GPHN: variants seen among roughly 807,000 people sequenced by gnomAD.
GPHN encodes the protein gephyrin.
GPHN carries 17 observed loss-of-function variants against 95.5 expected under a neutral mutation model. That is an observed-to-expected ratio of 0.18 (90% confidence interval 0.12 to 0.27). The LOEUF (loss-of-function observed/expected upper bound fraction) is 0.27, where lower values mean the gene tolerates loss of function less well. Ranked by LOEUF, GPHN falls within the 10% of genes least tolerant of loss-of-function variation. GPHN has a pLI of 1.00. For synonymous variants in GPHN, 320 were observed against 322.5 expected, an observed-to-expected ratio of 0.99 and a Z score of 0.08; for missense variants, 660 against 978.1, an observed-to-expected ratio of 0.67 and a Z score of 4.34.
chr14:67,595,395 G>T, the GPHN span, among the ~76,000 whole-genome samples: 2 of 152,194 alleles, frequency 1.3e-5, no homozygotes, highest in Non-Finnish European at 2.9e-5. Context: ...ACCATCGTAA[G>T]TTGGGAACCA....
intron 3 of GPHN, among the ~76,000 whole-genome samples, chr14:66,786,990 T>G (rs1247238147): frequency 6.6e-6 from 1 of 152,106 alleles, no homozygotes; most frequent in African/African-American, 2.4e-5. Context: ...CTACTTTTAT[T>G]CAACATAGTA....
At chr14:66,849,593 A>G (rs2062492375) in intron 4 of GPHN, among the ~76,000 whole-genome samples, 1 of 152,024 alleles carries the variant, frequency 6.6e-6, no homozygotes, top group African/African-American at 2.4e-5. Context: ...TAGAATATTA[A>G]TCATTTTTAA....
intron 4 of GPHN, among the ~76,000 whole-genome samples, chr14:66,833,869 ATTAGC>A (rs1198657709): frequency 1.3e-5 from 2 of 152,154 alleles, no homozygotes; most frequent in East Asian, 1.9e-4. Context: ...CTATATCTTA[ATTAGC>A]TTAGCATTTG....
At chr14:67,702,927 C>G in the GPHN span, among the ~76,000 whole-genome samples, 1 of 152,214 alleles carries the variant, frequency 6.6e-6, no homozygotes, top group Non-Finnish European at 1.5e-5. Flanking sequence ...GATTCTCCCA[C>G]CTCAGCCTCC....
chr14:66,632,471 C>T (rs961335061), intron 1 of GPHN, among the ~76,000 whole-genome samples: 11 of 150,028 alleles, frequency 7.3e-5, no homozygotes, highest in Non-Finnish European at 1.5e-4. Context: ...TCCATACTTT[C>T]CTTTCTTACA....
chr14:67,191,221 G>A, the GPHN span, among the ~76,000 whole-genome samples: 6 of 152,044 alleles, frequency 3.9e-5, no homozygotes, highest in Non-Finnish European at 8.8e-5. Context: ...GTGATGGAGC[G>A]AGACTCCGTC....
the GPHN span, among the ~76,000 whole-genome samples, chr14:67,622,693 G>A: frequency 1.3e-5 from 2 of 152,190 alleles, no homozygotes; most frequent in African/African-American, 4.8e-5. Context: ...CACTGAAGAC[G>A]ACAATCTCTG....
chr14:67,327,952 T>G, the GPHN span, among the ~76,000 whole-genome samples: 12 of 152,356 alleles, frequency 7.9e-5, no homozygotes, highest in African/African-American at 2.6e-4. Context: ...TACGTGTGCA[T>G]GTGTCTTTAT....
chr14:67,125,904 A>G (rs1372522122), intron 17 of GPHN, among the ~76,000 whole-genome samples: 6 of 152,086 alleles, frequency 3.9e-5, no homozygotes, highest in South Asian at 2.1e-4. Flanking sequence ...ATATGATTCT[A>G]TTTCTCAGCT....
At chr14:67,380,809 C>A in the GPHN span, 2 of 1,070,322 alleles carry the variant, frequency 1.9e-6, no homozygotes, top group Non-Finnish European at 2.6e-6. Flanking sequence ...TTGCATGCAT[C>A]AAAAAAGCTA....
intron 1 of GPHN, among the ~76,000 whole-genome samples, chr14:66,624,425 C>G (rs1164274970): frequency 6.6e-6 from 1 of 152,094 alleles, no homozygotes; most frequent in Non-Finnish European, 1.5e-5. Context: ...TGGGTAAAGC[C>G]CTTGGGCTGA....
the GPHN span, among the ~76,000 whole-genome samples, chr14:67,643,208 C>G: frequency 6.6e-6 from 1 of 152,132 alleles, no homozygotes; most frequent in African/African-American, 2.4e-5. Flanking sequence ...GAGCACTGTT[C>G]TGATATTTTC....
At chr14:66,669,349 A>G (rs1247459994) in intron 1 of GPHN, among the ~76,000 whole-genome samples, 2 of 145,010 alleles carry the variant, frequency 1.4e-5, no homozygotes, top group Non-Finnish European at 1.5e-5. Context: ...GGGCAACAAG[A>G]GTGAAACTCT....
At chr14:67,206,312 A>G in the GPHN span, among the ~76,000 whole-genome samples, 1 of 152,196 alleles carries the variant, frequency 6.6e-6, no homozygotes, top group African/African-American at 2.4e-5. Context: ...AGCCTGGCCA[A>G]CATGGCAAAA....
chr14:67,729,669 C>G, the GPHN span: 1 of 589,956 alleles, frequency 1.7e-6, no homozygotes, highest in Non-Finnish European at 3.1e-6. Context: ...TTGGTTATGC[C>G]ATGGAGATCT....
chr14:66,782,557 T>C (rs889546106), intron 3 of GPHN, among the ~76,000 whole-genome samples: 1 of 152,146 alleles, frequency 6.6e-6, no homozygotes, highest in Admixed American at 6.5e-5. Context: ...CGGTGGCTCA[T>C]GCTTGTAATC....
chr14:67,415,233 A>G, the GPHN span, among the ~76,000 whole-genome samples: 1 of 152,202 alleles, frequency 6.6e-6, no homozygotes, highest in South Asian at 2.1e-4. Context: ...ATACTTTTAA[A>G]TTAAATTTTA....
At chr14:67,378,027 G>A in the GPHN span, among the ~76,000 whole-genome samples, 1 of 151,868 alleles carries the variant, frequency 6.6e-6, no homozygotes, top group African/African-American at 2.4e-5. Flanking sequence ...GAGGCAGGAG[G>A]ATCACTTGAG....
rs1315655424 is a variant in GPHN, at chr14:66,701,356, CTG to C, written c.143+20173_143+20174del. ...TTTATTTATAACTAATACATAATAA[CTG>C]TACATTTGGGTGCGGCCATGATGGC... On this transcript the variant is annotated intron_variant, in intron 2 of 22. Coordinates refer to ENST00000478722, the MANE Select transcript of GPHN (RefSeq NM_020806.5). 3.9e-5 allele frequency among the ~76,000 whole-genome samples: 6 copies of C among 152,200 alleles called. No homozygotes were observed. The East Asian group carries it at 9.7e-4, about 25-fold the overall frequency.
Sources: gnomAD v4.1 joint callset for allele counts (sites outside exome capture counted in the v4.1 genomes callset) on GRCh38, gnomAD v4.1.1 for gene constraint, MANE v1.5 for transcripts, NCBI Gene and HGNC (gene_info 2026-07-23, HGNC 2026-07-21) for gene names.